Variants in MIS18BP1 observed in about 807,000 individuals in gnomAD.
MIS18BP1 encodes MIS18 binding protein 1.
In MIS18BP1, 72 loss-of-function variants were observed where a neutral mutation model predicts 116.1. That is an observed-to-expected ratio of 0.62 (90% CI 0.51 to 0.75). MIS18BP1 has a LOEUF of 0.75. Among genes scored for constraint, MIS18BP1 ranks in the 30% least tolerant of loss-of-function variants. The pLI is 0.00. For missense variants in MIS18BP1, 1,363 were observed against 1,303.2 expected (o/e 1.05, Z -0.71); for synonymous variants, 386 against 427.0 (o/e 0.90, Z 1.18).
At chr14:45,250,978 A>C (rs559270783) in intron 1 of MIS18BP1, among the ~76,000 whole-genome samples, 129 of 148,310 alleles carry the variant, frequency 8.7e-4, no homozygotes, top group African/African-American at 3.1e-3. Flanking sequence ...CGGAGCTTGC[A>C]GTGAGCCGAC....
At position 45,230,509 on chromosome 14, in the gene MIS18BP1, G is replaced by A. The variant is rs938314242; in HGVS notation, c.1594+632C>T. On this transcript the variant is annotated intron_variant, in intron 8 of 16. Transcript: ENST00000310806. ...ATATATGTCTTTACAACAGGTTTGCGGTAGGTTGGCAGCTTAAATACTTTG... is the reference window on the plus strand; with the variant it reads ...ATATATGTCTTTACAACAGGTTTGCAGTAGGTTGGCAGCTTAAATACTTTG... Among the ~76,000 whole-genome samples the A allele has an allele frequency of 4.6e-5, 7 of 152,092 alleles. No individual in the cohort carries two copies. In the South Asian group the frequency reaches 8.3e-4, roughly 18 times the overall value.
chr14:45,220,155 G>A (rs10140269), intron 11 of MIS18BP1, among the ~76,000 whole-genome samples: 6,170 of 151,496 alleles, frequency 0.041, 431 homozygotes, highest in African/African-American at 0.14. Context: ...CAGGAGTGCC[G>A]GGCATTATCA....
intron 5 of MIS18BP1, among the ~76,000 whole-genome samples, chr14:45,237,259 A>T (rs577180968): frequency 4.9e-4 from 75 of 152,304 alleles, no homozygotes; most frequent in Non-Finnish European, 9.1e-4. Flanking sequence ...AGTAATTTTG[A>T]TTCCTTTTCT....
At chr14:45,223,290 C>T (rs1488748355) in intron 11 of MIS18BP1, among the ~76,000 whole-genome samples, 2 of 152,122 alleles carry the variant, frequency 1.3e-5, no homozygotes, top group Non-Finnish European at 2.9e-5. Context: ...ATTTATAACA[C>T]TTGTTAGGCC....
rs1890433721 is a variant in MIS18BP1, at chr14:45,203,876, A to G, written c.*233T>C. On this transcript the variant is annotated 3_prime_UTR_variant, in exon 17 of 17. Transcript: ENST00000310806. The stretch of plus-strand genomic sequence containing the variant: ...AAAAATTATCTATATATATTTTAAT[A>G]TGCAAAAACAAATTTACAGATATCT... 1 of 270,528 alleles carries G rather than the reference A, an allele frequency of 3.7e-6. No homozygotes were observed. Among genetic ancestry groups the G allele is most frequent in the African/African-American group, 2.2e-5 (1 of 44,742 alleles). 16.8% of individuals were successfully genotyped at this position (270,528 alleles called of 1,614,324 possible). A position where few individuals can be genotyped will look rare whatever the true frequency, so the allele number is the denominator to read the frequency against.
At chr14:45,239,930 T>C (rs1002243791) in intron 4 of MIS18BP1, among the ~76,000 whole-genome samples, 1 of 152,180 alleles carries the variant, frequency 6.6e-6, no homozygotes, top group Non-Finnish European at 1.5e-5. Flanking sequence ...CTGGGGCCAA[T>C]GGTATTACAA....
intron 6 of MIS18BP1, among the ~76,000 whole-genome samples, chr14:45,233,459 A>G (rs781722031): frequency 6.6e-6 from 1 of 152,186 alleles, no homozygotes; most frequent in African/African-American, 2.4e-5. Context: ...CAGAGGAGCT[A>G]CAGGATCTAA....
At position 45,242,874 on chromosome 14, in the gene MIS18BP1, G is replaced by A. The variant is rs890589312; in HGVS notation, c.545C>T (p.Ala182Val). 2.6e-6 allele frequency: 4 copies of A among 1,563,524 alleles called. No individual in the cohort carries two copies. The African/African-American group carries it at 4.1e-5, about 16-fold the overall frequency. ...SFQSDDSSLR[A>V]SVQGVPLESS... ...TTCTAGAGGAACTCCTTGGACTGAG[G>A]CTAAGGTTTTATTTTTTAAAGAAAG... Residue 182 changes from alanine to valine, a missense_variant and splice_region_variant, in exon 3 of 17, where the codon GCC (alanine) becomes GTC (valine). Physicochemically the swap from Ala to Val is moderately conservative, Grantham distance 64. Transcript: ENST00000310806.
At chr14:45,232,241 CCT>C (rs1364923588) in intron 7 of MIS18BP1, among the ~76,000 whole-genome samples, 2 of 151,230 alleles carry the variant, frequency 1.3e-5, no homozygotes, top group Non-Finnish European at 2.9e-5. Context: ...ATGGTGAAAC[CCT>C]GTCTCTACTA....
In MIS18BP1 at chr14:45,235,891, T is replaced by G; in HGVS notation, c.1271A>C (p.His424Pro). The stretch of plus-strand genomic sequence containing the variant: ...GCCTGATATAGTCCTAAGTTTGTTG[T>G]GCTCAATCCGCTCTATAATTACATT... ...HSNVIIERIE[H>P]NKLRTISGNV... The change falls in exon 6 of 17, where the codon CAC becomes CCC. Residue 424 changes from histidine (H) to proline (P), a missense_variant. His to Pro is a moderately conservative substitution (Grantham distance 77). Transcript: ENST00000310806. 6.2e-7 allele frequency: 1 copy of G among 1,611,880 alleles called. No individual in the cohort carries two copies. Among genetic ancestry groups the G allele is most frequent in the East Asian group, 2.2e-5 (1 of 44,736 alleles).
At chr14:45,229,535 C>A (rs1227747367) in intron 8 of MIS18BP1, among the ~76,000 whole-genome samples, 1 of 151,606 alleles carries the variant, frequency 6.6e-6, no homozygotes, top group Non-Finnish European at 1.5e-5. Flanking sequence ...GAGTGATTTT[C>A]CTATGGACAC....
intron 2 of MIS18BP1, among the ~76,000 whole-genome samples, chr14:45,246,477 A>G (rs1891723791): frequency 6.6e-6 from 1 of 152,172 alleles, no homozygotes; most frequent in Non-Finnish European, 1.5e-5. Context: ...TACTCTGACC[A>G]TCGCACTGAA....
chr14:45,239,452 C>A (rs1221491334), intron 4 of MIS18BP1, among the ~76,000 whole-genome samples: 1 of 152,148 alleles, frequency 6.6e-6, no homozygotes, highest in Non-Finnish European at 1.5e-5. Context: ...AAAGATTCTT[C>A]TAAGCACAGA....
chr14:45,216,572 T>C (rs371935168), intron 13 of MIS18BP1, among the ~76,000 whole-genome samples: 2 of 152,198 alleles, frequency 1.3e-5, no homozygotes, highest in South Asian at 2.1e-4. Flanking sequence ...TTGGTTGTAT[T>C]TGCTGTGAAT....
In MIS18BP1 at chr14:45,226,805, G is replaced by A; in HGVS notation, c.1778C>T (p.Ser593Phe). Residue 593 changes from serine to phenylalanine, a missense_variant, in exon 10 of 17, where the codon TCT becomes TTT. Ser to Phe is a radical substitution (Grantham distance 155). Transcript: ENST00000310806. ...TTCACCAATTTTTAGTTTCTTTGAA[G>A]ACATTTTATATTCTTTTTTTCCAAT... ...ELIGKKEYKM[S>F]SKKLKIGERT... The A allele has an allele frequency of 7.1e-7, 1 of 1,406,300 alleles. No individual in the cohort carries two copies. The highest frequency in any genetic ancestry group is 9.5e-7 in the Non-Finnish European group (1 of 1,057,694). 87.1% of individuals were successfully genotyped at this position (1,406,300 alleles called of 1,614,324 possible).
intron 8 of MIS18BP1, among the ~76,000 whole-genome samples, chr14:45,230,327 T>A (rs1449794802): frequency 6.6e-6 from 1 of 152,102 alleles, no homozygotes; most frequent in Non-Finnish European, 1.5e-5. Context: ...GGCAAGTTGG[T>A]CTCCTTATTA....
In MIS18BP1 at chr14:45,203,990, A is replaced by C; in HGVS notation, c.*119T>G. 7.0e-7 allele frequency: 1 copy of C among 1,425,206 alleles called. No individual in the cohort carries two copies. The highest frequency in any genetic ancestry group is 9.3e-7 in the Non-Finnish European group (1 of 1,074,768). The allele number at this position is 1,425,206 out of a possible 1,614,324, so 88.3% of individuals were successfully genotyped here. On this transcript the variant is annotated 3_prime_UTR_variant, in exon 17 of 17. Coordinates refer to ENST00000310806, the MANE Select transcript of MIS18BP1 (RefSeq NM_018353.5). ...TGAACACAAACATATGAAACCTTCA[A>C]AAAAGTCCACATTTTCATAGGAAGC...
intron 12 of MIS18BP1, 46 bp downstream of exon 12, chr14:45,218,236 A>G (rs749600979): frequency 6.4e-7 from 1 of 1,550,934 alleles, no homozygotes; most frequent in East Asian, 2.3e-5. Context: ...GTGATCAGAA[A>G]TCAACACTGA....
intron 12 of MIS18BP1, 71 bp from the exon 13 acceptor site, chr14:45,217,250 C>T: frequency 4.6e-6 from 7 of 1,513,770 alleles, no homozygotes; most frequent in Non-Finnish European, 6.3e-6. Context: ...AGTTAACAAC[C>T]TTTGCAAAGT....
Sources: gnomAD v4.1 joint callset for allele counts (sites outside exome capture counted in the v4.1 genomes callset) on GRCh38, gnomAD v4.1.1 for gene constraint, MANE v1.5 for transcripts, NCBI Gene and HGNC (gene_info 2026-07-23, HGNC 2026-07-21) for gene names.